NBEA: variants seen among roughly 807,000 people sequenced by gnomAD.
NBEA encodes lysosomal-trafficking regulator 2.
In NBEA, 44 loss-of-function variants were observed where a neutral mutation model predicts 343.4. That is an observed-to-expected ratio of 0.13 (90% CI 0.10 to 0.16). The LOEUF (loss-of-function observed/expected upper bound fraction) is 0.16, where lower values mean the gene tolerates loss of function less well. NBEA is among the 10% of genes least tolerant of loss of function. NBEA has a pLI of 1.00. For missense variants in NBEA, 2,555 were observed against 3,631.3 expected, an observed-to-expected ratio of 0.70 and a Z score of 7.62; for synonymous variants, 1,175 against 1,238.7, an observed-to-expected ratio of 0.95 and a Z score of 1.08.
intron 38 of NBEA, among the ~76,000 whole-genome samples, chr13:35,431,348 G>T (rs149982996): frequency 6.6e-6 from 1 of 151,786 alleles, no homozygotes; most frequent in Non-Finnish European, 1.5e-5. Flanking sequence ...ATTATCTTTC[G>T]AGTGTATTAC....
At position 35,610,694 on chromosome 13, in the gene NBEA, A is replaced by T. The variant is rs142161901; in HGVS notation, c.7449+4116A>T. On this transcript the variant is annotated intron_variant, in intron 48 of 58. Transcript: ENST00000379939. ...AAAAGCACAACCTATAAAAGAAAAC[A>T]TTGATACACTGGACTTTATTAAAAC... is the stretch of plus-strand genomic sequence containing the variant. 6.6e-5 allele frequency among the ~76,000 whole-genome samples: 10 copies of T among 152,278 alleles called. No homozygotes were observed. In the East Asian group the frequency reaches 1.9e-3, roughly 29 times the overall value.
chr13:35,583,798 C>A, intron 45 of NBEA, 100 bp from the exon 46 acceptor site: 1 of 862,786 alleles, frequency 1.2e-6, no homozygotes, highest in Non-Finnish European at 1.8e-6. Context: ...TGCTGTATGG[C>A]TAAAATGAAT....
At chr13:34,955,627 A>G (rs535383449) in intron 1 of NBEA, among the ~76,000 whole-genome samples, 3 of 152,140 alleles carry the variant, frequency 2.0e-5, no homozygotes, top group Non-Finnish European at 4.4e-5. Flanking sequence ...GAGTGTTTTC[A>G]TGGTTTTTTG....
intron 49 of NBEA, among the ~76,000 whole-genome samples, chr13:35,632,208 T>C (rs1437208241): frequency 6.6e-6 from 1 of 152,226 alleles, no homozygotes; most frequent in South Asian, 2.1e-4. Context: ...TTTATATTTT[T>C]ACTTACTAAA....
rs967994472 is a variant in NBEA at position 35,238,373 on chromosome 13, C to G, written c.5776+5754C>G. The stretch of plus-strand genomic sequence containing the variant: ...AACAAAGACTACTCCCTTTGATTCG[C>G]AAAGCAACTTTATAGCCTCCTGTCT... On this transcript the variant is annotated intron_variant, in intron 34 of 58. Coordinates refer to ENST00000379939, the MANE Select transcript of NBEA (RefSeq NM_001385012.1). Among the ~76,000 whole-genome samples, 15 of 152,172 alleles carry G rather than the reference C, an allele frequency of 9.9e-5. 2 individuals carry two copies. The highest frequency in any genetic ancestry group is 9.8e-4 in the Admixed American group (15 of 15,274).
intron 8 of NBEA, among the ~76,000 whole-genome samples, chr13:35,060,928 G>C (rs1348774196): frequency 6.6e-6 from 1 of 151,556 alleles, no homozygotes; most frequent in Non-Finnish European, 1.5e-5. Context: ...ATCACAAATG[G>C]AGTTTAAATT....
intron 41 of NBEA, among the ~76,000 whole-genome samples, chr13:35,495,474 A>T (rs2076643879): frequency 6.6e-6 from 1 of 152,076 alleles, no homozygotes; most frequent in African/African-American, 2.4e-5. Flanking sequence ...ACTAGATGTA[A>T]GATTGACAAG....
chr13:35,409,298 C>T (rs888647615), intron 38 of NBEA, among the ~76,000 whole-genome samples: 1 of 151,954 alleles, frequency 6.6e-6, no homozygotes, highest in Non-Finnish European at 1.5e-5. Context: ...ATGATGAGAA[C>T]ACATGACACA....
At chr13:34,955,090 C>T (rs1247911386) in intron 1 of NBEA, among the ~76,000 whole-genome samples, 1 of 152,098 alleles carries the variant, frequency 6.6e-6, no homozygotes, top group Admixed American at 6.6e-5. Context: ...TGGTCCTTCA[C>T]AGACTAGGAA....
intron 41 of NBEA, among the ~76,000 whole-genome samples, chr13:35,480,120 A>T (rs2076063579): frequency 6.6e-6 from 1 of 150,484 alleles, no homozygotes; most frequent in African/African-American, 2.4e-5. Flanking sequence ...TAGTAGTATT[A>T]GTGAATATAA....
chr13:35,170,316 G>T (rs771232951), intron 25 of NBEA, among the ~76,000 whole-genome samples: 1 of 151,646 alleles, frequency 6.6e-6, no homozygotes, highest in Non-Finnish European at 1.5e-5. Flanking sequence ...TTATCATTTG[G>T]TTAAGAGTTA....
intron 38 of NBEA, among the ~76,000 whole-genome samples, chr13:35,393,738 G>A (rs1038837784): frequency 5.3e-5 from 8 of 152,072 alleles, no homozygotes; most frequent in Admixed American, 5.2e-4. Context: ...CAATTTTAGT[G>A]TATGGTTTTC....
intron 36 of NBEA, among the ~76,000 whole-genome samples, chr13:35,317,447 C>T (rs2037819280): frequency 6.6e-6 from 1 of 152,090 alleles, no homozygotes; most frequent in East Asian, 1.9e-4. Flanking sequence ...GGCCTCTGTT[C>T]TATTCCGTTG....
At chr13:35,563,132 G>GGAGAT (rs2079946006) in intron 44 of NBEA, among the ~76,000 whole-genome samples, 7 of 123,474 alleles carry the variant, frequency 5.7e-5, no homozygotes, top group Admixed American at 1.7e-4. Flanking sequence ...TGTGTGTGTG[G>GGAGAT]AGATAGATAG....
intron 40 of NBEA, among the ~76,000 whole-genome samples, chr13:35,452,664 C>T (rs1042202955): frequency 6.6e-6 from 1 of 152,118 alleles, no homozygotes; most frequent in African/African-American, 2.4e-5. Flanking sequence ...GAATGTCTCT[C>T]TCCACTCCTG....
rs1445253333 is a variant in NBEA, at chr13:35,157,173, T to C, written c.2747T>C (p.Val916Ala). The change falls in exon 21 of 59, where the codon GTC becomes GCC. Residue 916 changes from valine (V) to alanine (A), a missense_variant. Coordinates refer to ENST00000379939, the MANE Select transcript of NBEA (RefSeq NM_001385012.1). The stretch of plus-strand genomic sequence containing the variant: ...GAGGAACAGAAGATTACCGAAATGG[T>C]CTACAATATCTTCCGGATTCTTTTG... ...NSEEQKITEM[V>A]YNIFRILLYH... The C allele has an allele frequency of 6.2e-7, 1 of 1,610,496 alleles. No individual in the cohort carries two copies. The highest frequency in any genetic ancestry group is 1.7e-5 in the Admixed American group (1 of 59,662).
intron 4 of NBEA, among the ~76,000 whole-genome samples, chr13:35,047,765 G>T (rs2062914404): frequency 5.4e-5 from 3 of 55,184 alleles, no homozygotes; most frequent in Non-Finnish European, 1.2e-4. Flanking sequence ...TGGAAGGTCC[G>T]TGTTGTATTT....
At chr13:35,464,717 T>C (rs2152954208) in intron 40 of NBEA, among the ~76,000 whole-genome samples, 2 of 152,324 alleles carry the variant, frequency 1.3e-5, no homozygotes, top group Middle Eastern at 6.8e-3. Context: ...CACACAGGGA[T>C]GTTAAGAGAA....
intron 38 of NBEA, among the ~76,000 whole-genome samples, chr13:35,421,721 T>C (rs2044282921): frequency 6.6e-6 from 1 of 152,126 alleles, no homozygotes; most frequent in Non-Finnish European, 1.5e-5. Flanking sequence ...GCAATAAATA[T>C]TCTGTTTTTT....
Sources: allele counts gnomAD v4.1 joint callset (sites outside exome capture counted in the v4.1 genomes callset), GRCh38; gene constraint gnomAD v4.1.1; transcripts MANE v1.5; gene names NCBI Gene and HGNC (gene_info 2026-07-23, HGNC 2026-07-21).